The following PLCG2 variants were observed in gnomAD, a reference collection of about 807,000 sequenced individuals.
The protein encoded by PLCG2 is 1-phosphatidylinositol 4,5-bisphosphate phosphodiesterase gamma-2.
A neutral mutation model predicts 175.6 loss-of-function variants in PLCG2; 69 were observed. That is an observed-to-expected ratio of 0.39 (90% CI 0.32 to 0.48). PLCG2 has a LOEUF of 0.48. Ranked by LOEUF, PLCG2 falls within the 20% of genes least tolerant of loss-of-function variation. PLCG2 has a pLI of 0.91. For missense variants in PLCG2, 1,798 were observed against 1,650.9 expected (o/e 1.09, Z -1.54); for synonymous variants, 827 against 624.0 (o/e 1.33, Z -4.85).
intron 2 of PLCG2, among the ~76,000 whole-genome samples, chr16:81,814,080 C>A (rs569258050): frequency 3.3e-5 from 5 of 152,128 alleles, no homozygotes; most frequent in Non-Finnish European, 7.4e-5. Flanking sequence ...TAGAAGGCTG[C>A]CCTCCATAAG....
At chr16:81,870,764 C>T (rs1907473918) in intron 6 of PLCG2, 88 bp from the exon 7 acceptor site, 2 of 592,966 alleles carry the variant, frequency 3.4e-6, no homozygotes, top group Middle Eastern at 4.5e-4. Flanking sequence ...CATGCCATTT[C>T]TGAAACAAAA....
At chr16:81,839,978 G>C (rs563653132) in intron 2 of PLCG2, among the ~76,000 whole-genome samples, 1 of 152,304 alleles carries the variant, frequency 6.6e-6, no homozygotes, top group South Asian at 2.1e-4. Context: ...GGTCCCTTGA[G>C]CCTACGAGTT....
chr16:81,804,286 AT>A (rs1359719683), intron 2 of PLCG2, among the ~76,000 whole-genome samples: 10 of 152,126 alleles, frequency 6.6e-5, no homozygotes, highest in African/African-American at 2.4e-4. Context: ...TCTGATTTGC[AT>A]TTTCCTGATT....
chr16:81,857,909 A>G lies in PLCG2; in HGVS notation c.338-354A>G, dbSNP rs188657342. On this transcript the variant is annotated intron_variant, in intron 3 of 32. Transcript: ENST00000564138. ...CTTGTGGGATCAATATAGGAAAAAC[A>G]CTTAGAACAATGTCTAGTATATATA... 9.5e-5 allele frequency: 21 copies of G among 220,402 alleles called. No homozygotes were observed. The East Asian group carries it at 1.8e-3, about 19-fold the overall frequency. The allele number at this position is 220,402 out of a possible 1,614,324, so 13.7% of individuals were successfully genotyped here. A position where few individuals can be genotyped will look rare whatever the true frequency, so the allele number is the denominator to read the frequency against.
At position 81,895,966 on chromosome 16, in the gene PLCG2, G is replaced by T. The variant is rs748589664; in HGVS notation, c.1193+39G>T. 2.6e-5 allele frequency: 42 copies of T among 1,613,022 alleles called. 1 individual carries two copies. The South Asian group carries it at 4.2e-4, about 16-fold the overall frequency. On this transcript the variant is annotated intron_variant, in intron 13 of 32. Transcript: ENST00000564138. ...TTTCTGGGTGGTGTGACTTAAAGGG[G>T]AAGGCAGCTAGGGTTGGATAGACAG... is the stretch of plus-strand genomic sequence containing the variant.
intron 2 of PLCG2, among the ~76,000 whole-genome samples, chr16:81,757,793 G>C (rs778172476): frequency 4.0e-5 from 6 of 151,486 alleles, no homozygotes; most frequent in Admixed American, 1.3e-4. Flanking sequence ...CAGAAACCCA[G>C]TACCCCTTAG....
At chr16:81,872,999 C>G (rs982807027) in intron 7 of PLCG2, among the ~76,000 whole-genome samples, 37 of 152,272 alleles carry the variant, frequency 2.4e-4, no homozygotes, top group Non-Finnish European at 4.6e-4. Flanking sequence ...AATGGGAGGG[C>G]CATTTCCTAT....
At chr16:81,789,273 C>T (rs62044061) in intron 2 of PLCG2, among the ~76,000 whole-genome samples, 15,467 of 152,248 alleles carry the variant, frequency 0.1, 974 homozygotes, top group East Asian at 0.23. Flanking sequence ...CCATTTCACT[C>T]GCTTACGCGG....
intron 7 of PLCG2, among the ~76,000 whole-genome samples, chr16:81,877,547 T>C (rs949000533): frequency 1.3e-5 from 2 of 152,238 alleles, no homozygotes; most frequent in African/African-American, 2.4e-5. Context: ...GCCACACCCC[T>C]CGGAAGGCTC....
rs575103811 is a variant in PLCG2 at position 81,933,269 on chromosome 16, C to T, written c.2740-1160C>T. Among the ~76,000 whole-genome samples, 13 of 152,274 alleles carry T rather than the reference C, an allele frequency of 8.5e-5. No homozygotes were observed. In the South Asian group the frequency reaches 2.5e-3, roughly 29 times the overall value. On this transcript the variant is annotated intron_variant, in intron 25 of 32. Transcript: ENST00000564138. ...CTGGGACAGTAGAGTTGACGGAGTT[C>T]CCACACTGGGCACAGCTACCCCTTT...
At chr16:81,957,832 C>G in intron 32 of PLCG2, 124 bp from the exon 33 acceptor site, 2 of 803,746 alleles carry the variant, frequency 2.5e-6, no homozygotes, top group Non-Finnish European at 4.2e-6. Flanking sequence ...CTCTCTGACA[C>G]TCAGCCCTAT....
chr16:81,891,547 A>C lies in PLCG2; in HGVS notation c.943A>C (p.Asn315His). 1 of 1,611,236 alleles carries C rather than the reference A, an allele frequency of 6.2e-7. No individual in the cohort carries two copies. ...TGACGCGGTGGACATGCAGGACATG[A>C]ACAACCCCCTGTCTCATTACTGGAT... ...KYDAVDMQDM[N>H]NPLSHYWISS... Residue 315 changes from asparagine to histidine, a missense_variant, in exon 11 of 33, where the codon AAC becomes CAC. Asn to His is a moderately conservative substitution (Grantham distance 68, BLOSUM62 1). Coordinates refer to ENST00000564138, the MANE Select transcript of PLCG2 (RefSeq NM_002661.5).
At chr16:81,860,353 C>T (rs1304578994) in intron 5 of PLCG2, among the ~76,000 whole-genome samples, 1 of 151,932 alleles carries the variant, frequency 6.6e-6, no homozygotes, top group East Asian at 1.9e-4. Flanking sequence ...GCTGTGGAAA[C>T]CTTTGGGTCT....
At chr16:81,877,276 A>T (rs887869901) in intron 7 of PLCG2, among the ~76,000 whole-genome samples, 3 of 152,202 alleles carry the variant, frequency 2.0e-5, no homozygotes, top group African/African-American at 4.8e-5. Flanking sequence ...GACACGGTGA[A>T]ACCCTGTCTC....
chr16:81,826,950 G>T (rs1905072437), intron 2 of PLCG2, among the ~76,000 whole-genome samples: 1 of 152,158 alleles, frequency 6.6e-6, no homozygotes, highest in Non-Finnish European at 1.5e-5. Context: ...GCCTCCTGTG[G>T]ATCCGATGAG....
At chr16:81,938,485 A>G in intron 28 of PLCG2, 1 of 371,572 alleles carries the variant, frequency 2.7e-6, no homozygotes, top group East Asian at 4.4e-5. Context: ...GTGGAAATCC[A>G]GTGATTAAGC....
At chr16:81,753,999 C>G (rs1909866940) in intron 1 of PLCG2, among the ~76,000 whole-genome samples, 1 of 152,080 alleles carries the variant, frequency 6.6e-6, no homozygotes, top group Non-Finnish European at 1.5e-5. Context: ...TGTGTCTTCT[C>G]TTGCCTGGCC....
intron 2 of PLCG2, among the ~76,000 whole-genome samples, chr16:81,810,918 C>T (rs770097099): frequency 6.6e-6 from 1 of 152,138 alleles, no homozygotes; most frequent in Non-Finnish European, 1.5e-5. Context: ...ACTTTTGCTT[C>T]CCTCTCTAAG....
intron 2 of PLCG2, among the ~76,000 whole-genome samples, chr16:81,796,586 G>T (rs1911479513): frequency 6.6e-6 from 1 of 152,198 alleles, no homozygotes; most frequent in Non-Finnish European, 1.5e-5. Flanking sequence ...CTCAGAATGT[G>T]ATCTTATTTG....
Sources: allele counts gnomAD v4.1 joint callset (sites outside exome capture counted in the v4.1 genomes callset), GRCh38; gene constraint gnomAD v4.1.1; transcripts MANE v1.5; gene names NCBI Gene and HGNC (gene_info 2026-07-23, HGNC 2026-07-21).